Variants in WASF3 observed in about 807,000 individuals in gnomAD.
WASF3 encodes the protein actin-binding protein WASF3.
A neutral mutation model predicts 46.6 loss-of-function variants in WASF3; 11 were observed. That is an observed-to-expected ratio of 0.24 (90% CI 0.15 to 0.39). The LOEUF (loss-of-function observed/expected upper bound fraction) is 0.39. Among genes scored for constraint, WASF3 ranks in the 10% least tolerant of loss-of-function variants. The pLI, the probability that WASF3 is intolerant of heterozygous loss-of-function variation, is 1.00. For synonymous variants in WASF3, 242 were observed against 259.7 expected (o/e 0.93, Z 0.65); for missense variants, 576 against 669.8 (o/e 0.86, Z 1.55).
chr13:26,678,074 C>T (rs914810093), intron 7 of WASF3, among the ~76,000 whole-genome samples: 3 of 151,932 alleles, frequency 2.0e-5, no homozygotes, highest in Non-Finnish European at 4.4e-5. Flanking sequence ...ATTTATGTTG[C>T]TTACATACAT....
intron 5 of WASF3, among the ~76,000 whole-genome samples, chr13:26,670,767 G>A (rs888199856): frequency 2.0e-5 from 3 of 152,136 alleles, no homozygotes; most frequent in African/African-American, 7.2e-5. Context: ...AGAAAGGAAG[G>A]ACATTAATAG....
At chr13:26,559,866 GGA>G (rs1286364379) in intron 1 of WASF3, among the ~76,000 whole-genome samples, 2 of 122,478 alleles carry the variant, frequency 1.6e-5, no homozygotes, top group Non-Finnish European at 3.2e-5. Context: ...CTCCCAGACT[GGA>G]GTGCAGTGGT....
intron 1 of WASF3, among the ~76,000 whole-genome samples, chr13:26,590,897 A>T (rs1282400152): frequency 6.6e-6 from 1 of 152,222 alleles, no homozygotes; most frequent in Non-Finnish European, 1.5e-5. Flanking sequence ...TTAGAAGATA[A>T]TAGATGGTAA....
rs946601226 is a variant in WASF3, at chr13:26,679,879, G to C, written c.717-1175G>C. Reference sequence around the variant, plus strand: ...ACACTTCAATTAAGGAAGGAAAAAGGAAAAGAAGCTGTCTCTTCTCATTTG... The same window carrying C: ...ACACTTCAATTAAGGAAGGAAAAAGCAAAAGAAGCTGTCTCTTCTCATTTG... On this transcript the variant is annotated intron_variant, in intron 7 of 9. Transcript: ENST00000335327. The surrounding 1 kb of genome is among the most constrained non-coding windows in gnomAD (Gnocchi z 4.8). Among the ~76,000 whole-genome samples, 1 of 152,164 alleles carries C rather than the reference G, an allele frequency of 6.6e-6. No individual in the cohort carries two copies. The highest frequency in any genetic ancestry group is 1.5e-5 in the Non-Finnish European group (1 of 68,028).
At chr13:26,642,483 A>G (rs575951582) in intron 3 of WASF3, 80 bp downstream of exon 3, 2 of 1,456,088 alleles carry the variant, frequency 1.4e-6, no homozygotes, top group Middle Eastern at 1.8e-4. Flanking sequence ...TGATTGTCCA[A>G]AGAAGAGATT....
intron 1 of WASF3, among the ~76,000 whole-genome samples, chr13:26,572,166 G>C (rs1879655758): frequency 6.6e-6 from 1 of 152,010 alleles, no homozygotes; most frequent in Non-Finnish European, 1.5e-5. Flanking sequence ...TCCATTGTTT[G>C]TGCCTTTAAT....
chr13:26,569,072 C>T (rs1306147623), intron 1 of WASF3, among the ~76,000 whole-genome samples: 2 of 151,998 alleles, frequency 1.3e-5, no homozygotes, highest in Non-Finnish European at 2.9e-5. Context: ...GGACATTCAC[C>T]TTTCTGTTTT....
chr13:26,556,345 C>T (rs1276567240), upstream of WASF3, among the ~76,000 whole-genome samples: 1 of 152,076 alleles, frequency 6.6e-6, no homozygotes, highest in Non-Finnish European at 1.5e-5. Flanking sequence ...GAAGCCATTC[C>T]CCTGGGTAAG....
At chr13:26,562,774 A>G (rs1052875298) in intron 1 of WASF3, among the ~76,000 whole-genome samples, 7 of 150,962 alleles carry the variant, frequency 4.6e-5, no homozygotes, top group Non-Finnish European at 8.8e-5. Flanking sequence ...TTCTTTCCCA[A>G]ACTTGATTAT....
chr13:26,585,426 A>G (rs1411860253), intron 1 of WASF3, among the ~76,000 whole-genome samples: 1 of 152,186 alleles, frequency 6.6e-6, no homozygotes, highest in Non-Finnish European at 1.5e-5. Flanking sequence ...TGCTTTCCTT[A>G]ATAATGATAA....
chr13:26,649,964 G>GT (rs2137429324), intron 3 of WASF3, among the ~76,000 whole-genome samples: 1 of 152,118 alleles, frequency 6.6e-6, no homozygotes, highest in African/African-American at 2.4e-5. Context: ...CCAGCTACTC[G>GT]GGGGGAGAGG....
Position 26,681,070 on chromosome 13 carries a change from G to A in WASF3, c.733G>A (p.Val245Ile), listed in dbSNP as rs77613105. 1.6e-4 allele frequency: 254 copies of A among 1,612,834 alleles called. 1 individual carries two copies. The East Asian group carries it at 4.4e-3, about 28-fold the overall frequency. The change falls in exon 8 of 10, where the codon GTT becomes ATT. Residue 245 changes from valine to isoleucine, a missense_variant. This residue lies in a region of WASF3 where 295 missense variants were observed against 291.5 expected (regional missense o/e 1.01). Transcript: ENST00000335327. ...AAATGCCAGGTCACATGCATCGGAC[G>A]TTACGGATTACTCTTACCCGGCTAC... Reference protein sequence around the residue: ...SPDTRSHASDVTDYSYPATPN... With the variant: ...SPDTRSHASDITDYSYPATPN...
rs1487953151 is a variant in WASF3 at position 26,643,958 on chromosome 13, A to T, written c.133+1555A>T. On this transcript the variant is annotated intron_variant, in intron 3 of 9. Coordinates refer to ENST00000335327, the MANE Select transcript of WASF3 (RefSeq NM_006646.6). ...CCTGTGGATGTGTTATGTTACGTGTAAGAGGGAATTAGGATTGCTAGTCAG... is the reference window on the plus strand; with the variant it reads ...CCTGTGGATGTGTTATGTTACGTGTTAGAGGGAATTAGGATTGCTAGTCAG... Among the ~76,000 whole-genome samples the T allele has an allele frequency of 2.6e-5, 4 of 152,204 alleles. No homozygotes were observed. In the East Asian group the frequency reaches 5.8e-4, roughly 22 times the overall value.
chr13:26,562,231 T>C (rs1022175240), intron 1 of WASF3, among the ~76,000 whole-genome samples: 3 of 152,132 alleles, frequency 2.0e-5, no homozygotes, highest in Non-Finnish European at 4.4e-5. Flanking sequence ...TCTGAGGCAC[T>C]CTTGTGTTTG....
chr13:26,639,205 C>T (rs555993415), intron 2 of WASF3, among the ~76,000 whole-genome samples: 72 of 152,292 alleles, frequency 4.7e-4, no homozygotes, highest in Non-Finnish European at 8.8e-4. Flanking sequence ...GCTGCAAAGC[C>T]GTCTTTTCTG....
At chr13:26,587,205 T>C (rs1390598748) in intron 1 of WASF3, among the ~76,000 whole-genome samples, 2 of 151,458 alleles carry the variant, frequency 1.3e-5, no homozygotes, top group East Asian at 1.9e-4. Context: ...GTTTGTTTTT[T>C]AGTATTGCAG....
the WASF3 span, among the ~76,000 whole-genome samples, chr13:26,542,003 C>T: frequency 6.6e-6 from 1 of 152,288 alleles, no homozygotes; most frequent in African/African-American, 2.4e-5. Context: ...CTGTATCATG[C>T]CTGACATGCT....
At chr13:26,633,209 T>TTTTTTTTC (rs1881710639) in intron 2 of WASF3, among the ~76,000 whole-genome samples, 1 of 139,330 alleles carries the variant, frequency 7.2e-6, no homozygotes, top group South Asian at 2.5e-4. Flanking sequence ...TCTTTTTTTT[T>TTTTTTTTC]TTTTTTTCTT....
At chr13:26,580,373 T>G (rs1360813022) in intron 1 of WASF3, among the ~76,000 whole-genome samples, 1 of 152,182 alleles carries the variant, frequency 6.6e-6, no homozygotes, top group Non-Finnish European at 1.5e-5. Context: ...TCTGCTTCTC[T>G]CAAGATGTTC....
Sources: allele counts gnomAD v4.1 joint callset (sites outside exome capture counted in the v4.1 genomes callset), GRCh38; gene constraint gnomAD v4.1.1; regional missense constraint gnomAD v4.1.1; non-coding constraint Gnocchi (gnomAD v3.1); transcripts MANE v1.5; gene names NCBI Gene and HGNC (gene_info 2026-07-23, HGNC 2026-07-21).